Variants in SMC4 observed in about 807,000 individuals in gnomAD.
SMC4 encodes structural maintenance of chromosomes protein 4.
A neutral mutation model predicts 145.6 loss-of-function variants in SMC4; 87 were observed. That is an observed-to-expected ratio of 0.60 (90% CI 0.50 to 0.71). The LOEUF (loss-of-function observed/expected upper bound fraction) is 0.71, where lower values mean the gene tolerates loss of function less well. Among genes scored for constraint, SMC4 ranks in the 30% least tolerant of loss-of-function variants. The pLI is 0.00. For missense variants in SMC4, 1,447 were observed against 1,537.1 expected, an observed-to-expected ratio of 0.94 and a Z score of 0.98; for synonymous variants, 558 against 500.7, an observed-to-expected ratio of 1.11 and a Z score of -1.53.
intron 16 of SMC4, 136 bp from the exon 17 acceptor site, chr3:160,425,938 A>G (rs966633484): frequency 4.8e-6 from 3 of 622,676 alleles, no homozygotes; most frequent in African/African-American, 3.8e-5. Flanking sequence ...CATTTTTTAT[A>G]TCAATGGCAC....
In SMC4 at chr3:160,400,610, A is replaced by T. The variant is rs564411813; in HGVS notation, c.-5-212A>T. 1.9e-4 allele frequency: 103 copies of T among 530,122 alleles called. 4 individuals carry two copies. In the South Asian group the frequency reaches 2.8e-3, roughly 15 times the overall value. 32.8% of individuals were successfully genotyped at this position (530,122 alleles called of 1,614,324 possible). On this transcript the variant is annotated intron_variant, in intron 1 of 23. Coordinates refer to ENST00000357388, the MANE Select transcript of SMC4 (RefSeq NM_001002800.3). ...TTGATTGATCCTCAGGCACGTCTAGATTTTCCCACTTACATAGGTCTTGTT... is the reference window on the plus strand; with the variant it reads ...TTGATTGATCCTCAGGCACGTCTAGTTTTTCCCACTTACATAGGTCTTGTT...
intron 13 of SMC4, among the ~76,000 whole-genome samples, chr3:160,422,410 T>TA (rs1717282034): frequency 6.6e-6 from 1 of 152,240 alleles, no homozygotes; most frequent in Admixed American, 6.5e-5. Context: ...TGAAGTGGTA[T>TA]CTCATGGTTT....
chr3:160,402,540 G>C, intron 3 of SMC4, 136 bp from the exon 4 acceptor site: 1 of 814,764 alleles, frequency 1.2e-6, no homozygotes, highest in East Asian at 2.7e-5. Context: ...GTATGCCTGT[G>C]ATTAGCAATG....
At position 160,422,300 on chromosome 3, in the gene SMC4, T is replaced by C. The variant is rs182112964; in HGVS notation, c.2020-1125T>C. Among the ~76,000 whole-genome samples, 204 of 152,378 alleles carry C rather than the reference T, an allele frequency of 1.3e-3. 1 individual carries two copies. The highest frequency in any genetic ancestry group is 4.6e-3 in the African/African-American group (192 of 41,596). On this transcript the variant is annotated intron_variant, in intron 13 of 23. Transcript: ENST00000357388. ...GTCAAGATTGTTTCCACAGTGGCTG[T>C]ACCATTTCCCACAAGCATGTGTAAG... is the stretch of plus-strand genomic sequence containing the variant.
At chr3:160,425,948 C>G in intron 16 of SMC4, 126 bp from the exon 17 acceptor site, 6 of 674,454 alleles carry the variant, frequency 8.9e-6, no homozygotes, top group Non-Finnish European at 1.5e-5. Flanking sequence ...ATCAATGGCA[C>G]ATATCTTTCC....
chr3:160,421,997 C>T (rs1341669446), intron 13 of SMC4, among the ~76,000 whole-genome samples: 1 of 152,186 alleles, frequency 6.6e-6, no homozygotes, highest in East Asian at 1.9e-4. Flanking sequence ...GCTACATTTA[C>T]TTAGCAGGTT....
chr3:160,400,992 G>C, intron 2 of SMC4, 27 bp downstream of exon 2: 1 of 1,376,124 alleles, frequency 7.3e-7, no homozygotes, highest in Non-Finnish European at 9.3e-7. Context: ...GACTCGGCGG[G>C]AACGCGCGCT....
chr3:160,402,831 T>C lies in SMC4; in HGVS notation c.474T>C (p.Cys158=), dbSNP rs1194576099. ...NSDEHKDIQS[C]TVEVHFQKII... is the part of the protein sequence containing the mutation. ...ATGAACACAAGGACATTCAGAGTTG[T>C]ACAGTAGAAGTTCATTTTCAAAAGA... Residue 158 remains cysteine, a synonymous_variant, in exon 4 of 24, where the codon TGT becomes TGC. Transcript: ENST00000357388. 7 of 1,586,324 alleles carry C rather than the reference T, an allele frequency of 4.4e-6. No homozygotes were observed. In the African/African-American group the frequency reaches 8.2e-5, roughly 19 times the overall value.
intron 13 of SMC4, among the ~76,000 whole-genome samples, chr3:160,421,144 T>C (rs978005454): frequency 6.6e-6 from 1 of 151,924 alleles, no homozygotes; most frequent in Non-Finnish European, 1.5e-5. Flanking sequence ...TTAGCCAGGA[T>C]GGTCTGGATC....
At position 160,433,846 on chromosome 3, in the gene SMC4, A is replaced by C. The variant is rs745705116; in HGVS notation, c.*37A>C. ...AAGATTCTTCAAGTTGATTCAGTGT[A>C]TTACTGATTTTTTTCTATTTGTAAA... On this transcript the variant is annotated 3_prime_UTR_variant, in exon 24 of 24. Coordinates refer to ENST00000357388, the MANE Select transcript of SMC4 (RefSeq NM_001002800.3). 1 of 1,514,284 alleles carries C rather than the reference A, an allele frequency of 6.6e-7. No homozygotes were observed. The highest frequency in any genetic ancestry group is 9.0e-7 in the Non-Finnish European group (1 of 1,111,608). 93.8% of individuals were successfully genotyped at this position (1,514,284 alleles called of 1,614,324 possible).
At position 160,430,534 on chromosome 3, in the gene SMC4, T is replaced by C; in HGVS notation, c.2796-65T>C. On this transcript the variant is annotated intron_variant, in intron 18 of 23. Coordinates refer to ENST00000357388, the MANE Select transcript of SMC4 (RefSeq NM_001002800.3). The stretch of plus-strand genomic sequence containing the variant: ...TTAAATTTCATGAAAAGTTCTTTAG[T>C]AGGTTTTCAGAAACAATAACAAATC... 3.0e-6 allele frequency: 4 copies of C among 1,340,452 alleles called. No individual in the cohort carries two copies. In the South Asian group the frequency reaches 5.1e-5, roughly 17 times the overall value. 83.0% of individuals were successfully genotyped at this position (1,340,452 alleles called of 1,614,324 possible).
intron 12 of SMC4, 102 bp from the exon 13 acceptor site, chr3:160,420,638 A>T: frequency 8.4e-7 from 1 of 1,189,708 alleles, no homozygotes; most frequent in Non-Finnish European, 1.2e-6. Context: ...AACCATGTCT[A>T]CATAAAGTTT....
intron 13 of SMC4, among the ~76,000 whole-genome samples, chr3:160,422,239 CAT>C (rs1717262444): frequency 1.3e-5 from 2 of 152,326 alleles, no homozygotes; most frequent in South Asian, 4.1e-4. Flanking sequence ...ACTGCTGGGT[CAT>C]GTGGTAATTC....
chr3:160,409,122 C>T (rs1715675658), intron 5 of SMC4, among the ~76,000 whole-genome samples: 2 of 150,926 alleles, frequency 1.3e-5, no homozygotes, highest in South Asian at 2.1e-4. Context: ...AAAAATTAGC[C>T]GGGCATGGTG....
Position 160,417,972 on chromosome 3 carries a change from T to A in SMC4, c.1671+16T>A. On this transcript the variant is annotated intron_variant, in intron 11 of 23. Transcript: ENST00000357388. ...ATTAAAGGAGGTAAATCTTTGCTTCTCTGTTGCATCAGAACATCATTCGTC... is the reference window on the plus strand; with the variant it reads ...ATTAAAGGAGGTAAATCTTTGCTTCACTGTTGCATCAGAACATCATTCGTC... 2 of 1,584,870 alleles carry A rather than the reference T, an allele frequency of 1.3e-6. No individual in the cohort carries two copies.
At position 160,404,352 on chromosome 3, in the gene SMC4, C is replaced by A. The variant is rs750382483; in HGVS notation, c.535C>A (p.Pro179Thr). 6.2e-7 allele frequency: 1 copy of A among 1,604,394 alleles called. No homozygotes were observed. The highest frequency in any genetic ancestry group is 8.5e-7 in the Non-Finnish European group (1 of 1,177,530). Residue 179 changes from proline (P) to threonine (T), a missense_variant, in exon 5 of 24, where the codon CCT becomes ACT. Transcript: ENST00000357388. Reference protein sequence around the residue: ...DKEGDDYEVIPNSNFYVSRTA... With the variant: ...DKEGDDYEVITNSNFYVSRTA... ...GGAAGGGGATGATTATGAAGTCATTCCTAACAGTAATTTCTATGTATCCAG... is the reference window on the plus strand; with the variant it reads ...GGAAGGGGATGATTATGAAGTCATTACTAACAGTAATTTCTATGTATCCAG...
At chr3:160,427,576 T>C (rs1012922456) in intron 17 of SMC4, among the ~76,000 whole-genome samples, 1 of 152,202 alleles carries the variant, frequency 6.6e-6, no homozygotes, top group African/African-American at 2.4e-5. Context: ...TTCATCCTTA[T>C]TTGAAAAGGA....
intron 12 of SMC4, 21 bp from the exon 13 acceptor site, chr3:160,420,719 C>T: frequency 1.9e-6 from 3 of 1,601,220 alleles, no homozygotes; most frequent in South Asian, 1.1e-5. Context: ...ACTCTTTTTT[C>T]ACCCCACTCT....
At chr3:160,426,317 T>G in intron 17 of SMC4, 117 bp downstream of exon 17, 1 of 754,980 alleles carries the variant, frequency 1.3e-6, no homozygotes, top group Non-Finnish European at 2.2e-6. Context: ...GTCATTGCAC[T>G]ATTTTATGGT....
Sources: allele counts gnomAD v4.1 joint callset (sites outside exome capture counted in the v4.1 genomes callset), GRCh38; gene constraint gnomAD v4.1.1; transcripts MANE v1.5; gene names NCBI Gene and HGNC (gene_info 2026-07-23, HGNC 2026-07-21).